The following GNAI3 variants were observed in gnomAD, a reference collection of about 807,000 sequenced individuals.
GNAI3 encodes guanine nucleotide-binding protein G(i) subunit alpha-3.
In GNAI3, 12 loss-of-function variants were observed where a neutral mutation model predicts 41.8. That is an observed-to-expected ratio of 0.29 (90% CI 0.18 to 0.47). GNAI3 has a LOEUF of 0.47. Among genes scored for constraint, GNAI3 ranks in the 20% least tolerant of loss-of-function variants. The probability of loss-of-function intolerance (pLI) is 1.00; values close to 1 mark genes in which losing one functional copy is unlikely to be tolerated. For synonymous variants in GNAI3, 132 were observed against 146.5 expected (o/e 0.90, Z 0.71); for missense variants, 360 against 429.6 (o/e 0.84, Z 1.43).
Position 109,586,775 on chromosome 1 carries a change from A to G in GNAI3, c.767A>G (p.Asn256Ser). 1 of 1,604,968 alleles carries G rather than the reference A, an allele frequency of 6.2e-7. No homozygotes were observed. Among genetic ancestry groups the G allele is most frequent in the Non-Finnish European group, 8.5e-7 (1 of 1,172,674 alleles). ...AAACTGTTTGACAGCATTTGTAATAACAAATGGTTTACAGAAACTTCAATC... is the reference window on the plus strand; with the variant it reads ...AAACTGTTTGACAGCATTTGTAATAGCAAATGGTTTACAGAAACTTCAATC... The part of the protein sequence containing the change: ...SMKLFDSICN[N>S]KWFTETSIIL... The change falls in exon 7 of 9, where the codon AAC (asparagine) becomes AGC (serine). Residue 256 changes from asparagine (N) to serine (S), a missense_variant. Physicochemically the swap from Asn to Ser is conservative, Grantham distance 46 (BLOSUM62 1). Transcript: ENST00000369851.
chr1:109,578,280 G>A (rs1414326344), intron 3 of GNAI3, among the ~76,000 whole-genome samples: 1 of 151,936 alleles, frequency 6.6e-6, no homozygotes, highest in Non-Finnish European at 1.5e-5. Flanking sequence ...AGACCAGCCT[G>A]GCCAACATGG....
At chr1:109,587,581 C>G (rs896485537) in intron 7 of GNAI3, among the ~76,000 whole-genome samples, 1 of 151,976 alleles carries the variant, frequency 6.6e-6, no homozygotes, top group Non-Finnish European at 1.5e-5. Flanking sequence ...AATGGTATGA[C>G]CAGTTGTGGA....
At chr1:109,571,114 AT>A (rs745752012) in intron 1 of GNAI3, among the ~76,000 whole-genome samples, 8 of 152,202 alleles carry the variant, frequency 5.3e-5, no homozygotes, top group Non-Finnish European at 8.8e-5. Context: ...GTCATTTAAC[AT>A]TTTTGGCTTG....
intron 5 of GNAI3, among the ~76,000 whole-genome samples, chr1:109,583,159 A>G (rs567977122): frequency 6.6e-6 from 1 of 152,274 alleles, no homozygotes; most frequent in South Asian, 2.1e-4. Flanking sequence ...GGATAGAGGT[A>G]TTTTGGGTTG....
At chr1:109,559,340 C>A (rs1571148623) in intron 1 of GNAI3, among the ~76,000 whole-genome samples, 1 of 152,244 alleles carries the variant, frequency 6.6e-6, no homozygotes, top group East Asian at 1.9e-4. Context: ...TGGTAACTCA[C>A]ATCAGAAATA....
rs908846155 is a variant in GNAI3, at chr1:109,593,849, C to T, written c.*1527C>T. 5 of 152,660 alleles carry T rather than the reference C, an allele frequency of 3.3e-5. No individual in the cohort carries two copies. Among genetic ancestry groups the T allele is most frequent in the Admixed American group, 2.6e-4 (4 of 15,286 alleles). The allele number at this position is 152,660 out of a possible 1,614,324, so 9.5% of individuals were successfully genotyped here. On this transcript the variant is annotated 3_prime_UTR_variant, in exon 9 of 9. Transcript: ENST00000369851. Reference sequence around the variant, plus strand: ...TGGGGGAAGACAAATGAAGAGAATGCATTTTGAGCATTTCAAATCAGTAGT... The same window carrying T: ...TGGGGGAAGACAAATGAAGAGAATGTATTTTGAGCATTTCAAATCAGTAGT...
chr1:109,563,676 A>C (rs1557904531), intron 1 of GNAI3, among the ~76,000 whole-genome samples: 1 of 152,192 alleles, frequency 6.6e-6, no homozygotes. Flanking sequence ...TTGTCCATGT[A>C]TGTAATTGGT....
chr1:109,557,960 T>C (rs1052441412), intron 1 of GNAI3, among the ~76,000 whole-genome samples: 1 of 152,322 alleles, frequency 6.6e-6, no homozygotes, highest in East Asian at 1.9e-4. Flanking sequence ...TGACAGTGCC[T>C]GACACCTAGT....
chr1:109,586,934 C>A, intron 7 of GNAI3, 52 bp downstream of exon 7: 4 of 1,222,870 alleles, frequency 3.3e-6, no homozygotes, highest in South Asian at 1.3e-5. Context: ...CTTAGATCAA[C>A]ACTTTGGTGG....
chr1:109,586,983 G>T lies in GNAI3; in HGVS notation c.874+101G>T, dbSNP rs1335700823. 3.8e-6 allele frequency: 3 copies of T among 781,930 alleles called. No homozygotes were observed. In the African/African-American group the frequency reaches 5.3e-5, roughly 14 times the overall value. 48.4% of individuals were successfully genotyped at this position (781,930 alleles called of 1,614,324 possible). A position where few individuals can be genotyped will look rare whatever the true frequency, so the allele number is the denominator to read the frequency against. On this transcript the variant is annotated intron_variant, in intron 7 of 8. Coordinates refer to ENST00000369851, the MANE Select transcript of GNAI3 (RefSeq NM_006496.4). ...GCCTTTTTTTTTTTAATGATTGATT[G>T]GGAGAGTATTCAGTGGTAGTGGCAT...
At chr1:109,555,456 G>A (rs1406950378) in intron 1 of GNAI3, among the ~76,000 whole-genome samples, 1 of 152,130 alleles carries the variant, frequency 6.6e-6, no homozygotes, top group Non-Finnish European at 1.5e-5. Flanking sequence ...TCCACAAATG[G>A]TGCTGGGATA....
intron 1 of GNAI3, among the ~76,000 whole-genome samples, chr1:109,553,852 C>G (rs1648069524): frequency 6.6e-6 from 1 of 152,180 alleles, no homozygotes; most frequent in South Asian, 2.1e-4. Context: ...TTATCCCTCA[C>G]CACCTTCCCA....
At chr1:109,561,860 G>A (rs1367342811) in intron 1 of GNAI3, among the ~76,000 whole-genome samples, 1 of 152,062 alleles carries the variant, frequency 6.6e-6, no homozygotes, top group Non-Finnish European at 1.5e-5. Flanking sequence ...CGAGAAGCTG[G>A]GATGAAAGTT....
At chr1:109,580,318 T>G (rs1648859429) in intron 4 of GNAI3, among the ~76,000 whole-genome samples, 1 of 152,194 alleles carries the variant, frequency 6.6e-6, no homozygotes, top group African/African-American at 2.4e-5. Flanking sequence ...TTTTTTTTAA[T>G]GTACTTTTGC....
chr1:109,578,639 G>A (rs539961713), intron 3 of GNAI3, among the ~76,000 whole-genome samples: 1 of 152,000 alleles, frequency 6.6e-6, no homozygotes, highest in Admixed American at 6.5e-5. Flanking sequence ...ATCTTTCCCT[G>A]AGGGATTTAT....
rs1426239848 is a variant in GNAI3 at position 109,580,910 on chromosome 1, T to C, written c.462-1527T>C. 2.0e-5 allele frequency among the ~76,000 whole-genome samples: 3 copies of C among 152,334 alleles called. No individual in the cohort carries two copies. The East Asian group carries it at 5.8e-4, about 29-fold the overall frequency. On this transcript the variant is annotated intron_variant, in intron 4 of 8. Transcript: ENST00000369851. ...CAATGAGAACTTGGCTTTAGAAACG[T>C]TTCAGGATTCTTGCCTACCTTTTAA...
rs574277105 is a variant in GNAI3 at position 109,566,302 on chromosome 1, C to T, written c.119-7435C>T. On this transcript the variant is annotated intron_variant, in intron 1 of 8. Coordinates refer to ENST00000369851, the MANE Select transcript of GNAI3 (RefSeq NM_006496.4). ...ATTTTGAGATTGTAGGCTAAGGAAA[C>T]TTAGTAATTTCACAAGAAAAATAGA... Among the ~76,000 whole-genome samples the T allele has an allele frequency of 7.9e-5, 12 of 152,244 alleles. No homozygotes were observed. The South Asian group carries it at 8.3e-4, about 11-fold the overall frequency.
intron 5 of GNAI3, among the ~76,000 whole-genome samples, chr1:109,583,779 G>A (rs1467560566): frequency 6.9e-6 from 1 of 145,518 alleles, no homozygotes; most frequent in Non-Finnish European, 1.5e-5. Flanking sequence ...TTTTAGTAGA[G>A]ATGGGCTTTT....
At chr1:109,578,919 AT>A (rs1648822401) in intron 3 of GNAI3, among the ~76,000 whole-genome samples, 1 of 151,810 alleles carries the variant, frequency 6.6e-6, no homozygotes, top group Non-Finnish European at 1.5e-5. Flanking sequence ...CTGGATGGAG[AT>A]TTGTGGGCTG....
Sources: allele counts gnomAD v4.1 joint callset (sites outside exome capture counted in the v4.1 genomes callset), GRCh38; gene constraint gnomAD v4.1.1; transcripts MANE v1.5; gene names NCBI Gene and HGNC (gene_info 2026-07-23, HGNC 2026-07-21).